Variants in TNS1 observed in about 807,000 individuals in gnomAD.
The protein encoded by TNS1 is tensin 1.
In TNS1, 62 loss-of-function variants were observed where a neutral mutation model predicts 168.6. That is an observed-to-expected ratio of 0.37 (90% CI 0.30 to 0.45). The LOEUF (loss-of-function observed/expected upper bound fraction) is 0.45. Among genes scored for constraint, TNS1 ranks in the 20% least tolerant of loss-of-function variants. TNS1 has a pLI of 1.00. For synonymous variants in TNS1, 934 were observed against 933.2 expected, an observed-to-expected ratio of 1.00 and a Z score of -0.02; for missense variants, 2,240 against 2,339.4, an observed-to-expected ratio of 0.96 and a Z score of 0.88.
At chr2:217,905,263 G>A (rs1953517996) in intron 6 of TNS1, 3 of 327,650 alleles carry the variant, frequency 9.2e-6, no homozygotes, top group South Asian at 4.6e-5. Flanking sequence ...TCCCCAGTAT[G>A]AGTACCCCAC....
In TNS1 at chr2:217,828,269, C is replaced by T. The variant is rs1943898653; in HGVS notation, c.3373+3186G>A. Among the ~76,000 whole-genome samples the T allele has an allele frequency of 2.6e-5, 4 of 152,312 alleles. 1 individual carries two copies. The highest frequency in any genetic ancestry group is 6.8e-3 in the Middle Eastern group (2 of 294). On this transcript the variant is annotated intron_variant, in intron 22 of 32. Coordinates refer to ENST00000682258, the MANE Select transcript of TNS1 (RefSeq NM_001387777.1). ...GCCCCTGAGCAGCCTGATGTTGTTG[C>T]CCAAACCCCAGCTGGTCAGGAGAGG... is the stretch of plus-strand genomic sequence containing the variant.
rs1214492170 is a variant in TNS1, at chr2:218,033,818, A to C, written c.156+2T>G. On this transcript the variant is annotated splice_donor_variant, in intron 1 of 1. Transcript: ENST00000649572. LOFTEE classifies it high-confidence loss of function. This position sits in a 1 kb window ranked among gnomAD's most constrained non-coding sequence, Gnocchi z 4.3. ...TCCCTCACCCATTCCCGCAGCCCCT[A>C]CCTGAAGCGGTAGCTGCCTTCTCTC... Among the ~76,000 whole-genome samples, 1 of 151,906 alleles carries C rather than the reference A, an allele frequency of 6.6e-6. No individual in the cohort carries two copies. The highest frequency in any genetic ancestry group is 1.5e-5 in the Non-Finnish European group (1 of 67,944).
intron 22 of TNS1, among the ~76,000 whole-genome samples, chr2:217,825,258 C>T (rs1943447624): frequency 6.6e-6 from 1 of 152,102 alleles, no homozygotes. Context: ...GAGGGACTGG[C>T]AGGGTATGAG....
Position 217,847,787 on chromosome 2 carries a change from C to T in TNS1, c.2730G>A (p.Glu910=), listed in dbSNP as rs1946864993. The change falls in exon 19 of 33, where the codon GAG becomes GAA. Residue 910 remains glutamate (E), a synonymous_variant. Transcript: ENST00000682258. ...TPEPAPRASL[E]SVPPGRSYSP... is the part of the protein sequence containing the mutation. ...AGTAAGACCTGCCAGGAGGGACAGA[C>T]TCCAGAGAGGCCCGTGGGGCTGGCT... 2 of 1,606,074 alleles carry T rather than the reference C, an allele frequency of 1.2e-6. No individual in the cohort carries two copies. Among genetic ancestry groups the T allele is most frequent in the Middle Eastern group, 1.7e-4 (1 of 6,028 alleles).
chr2:217,821,077 C>T (rs1942774162), intron 23 of TNS1, among the ~76,000 whole-genome samples: 1 of 152,222 alleles, frequency 6.6e-6, no homozygotes, highest in Admixed American at 6.5e-5. Flanking sequence ...CTCAGAAATC[C>T]TCGCTGCATC....
chr2:217,804,751 G>T, intron 32 of TNS1, 148 bp from the exon 33 acceptor site: 1 of 1,020,390 alleles, frequency 9.8e-7, no homozygotes, highest in Non-Finnish European at 1.4e-6. Flanking sequence ...TCAGAGAGGT[G>T]CAGAAGAGAA....
chr2:218,030,118 C>T (rs1344464941), intron 1 of TNS1, among the ~76,000 whole-genome samples: 1 of 152,150 alleles, frequency 6.6e-6, no homozygotes, highest in Non-Finnish European at 1.5e-5. Context: ...TCCCAGGCAC[C>T]TTGCTTTGAC....
At position 217,995,240 on chromosome 2, in the gene TNS1, G is replaced by A. The variant is rs751958825; in HGVS notation, c.34-4184C>T. Among the ~76,000 whole-genome samples, 5 of 152,290 alleles carry A rather than the reference G, an allele frequency of 3.3e-5. No homozygotes were observed. Among genetic ancestry groups the A allele is most frequent in the Admixed American group, 6.5e-5 (1 of 15,310 alleles). ...TTCCGCTGTGAAACAGGGACACTGC[G>A]CTGGTCTTGTTGAAACAGCTGTCCC... is the stretch of plus-strand genomic sequence containing the variant. On this transcript the variant is annotated intron_variant, in intron 1 of 32. Coordinates refer to ENST00000682258, the MANE Select transcript of TNS1 (RefSeq NM_001387777.1). The surrounding 1 kb of genome is among the most constrained non-coding windows in gnomAD (Gnocchi z 4.1).
upstream of TNS1, among the ~76,000 whole-genome samples, chr2:218,007,576 G>GT (rs1365194496): frequency 4.4e-5 from 6 of 135,092 alleles, no homozygotes; most frequent in Non-Finnish European, 9.7e-5. Context: ...TGGGGGGGGG[G>GT]GTTCAGCCAG....
intron 3 of TNS1, among the ~76,000 whole-genome samples, chr2:217,922,561 A>C (rs1005639505): frequency 1.5e-4 from 23 of 152,116 alleles, no homozygotes; most frequent in Admixed American, 1.3e-3. Context: ...CTCTCCATTT[A>C]GAAGCTGGGG....
At chr2:217,946,724 T>TCCCCTACCCCATCATCA (rs1957114327) in intron 3 of TNS1, among the ~76,000 whole-genome samples, 2 of 151,552 alleles carry the variant, frequency 1.3e-5, no homozygotes, top group Admixed American at 1.3e-4. Context: ...ACACTATCCA[T>TCCCCTACCCCATCATCA]CCCCTACCCC....
intron 4 of TNS1, among the ~76,000 whole-genome samples, chr2:217,914,222 T>C (rs1954747430): frequency 6.6e-6 from 1 of 152,182 alleles, no homozygotes; most frequent in Admixed American, 6.5e-5. Flanking sequence ...AGTCAGGCAC[T>C]ATTTCCATAG....
chr2:218,031,604 T>C (rs550830007), intron 1 of TNS1, among the ~76,000 whole-genome samples: 134 of 152,248 alleles, frequency 8.8e-4, no homozygotes, highest in African/African-American at 3.0e-3. Flanking sequence ...AGAGCACCCA[T>C]AGGTTACATC....
intron 1 of TNS1, among the ~76,000 whole-genome samples, chr2:218,023,517 T>C (rs1371511726): frequency 6.6e-6 from 1 of 152,072 alleles, no homozygotes; most frequent in Non-Finnish European, 1.5e-5. Context: ...CCCACCTGTC[T>C]CCTGGCCAAG....
intron 1 of TNS1, among the ~76,000 whole-genome samples, chr2:217,998,534 T>A (rs1438524721): frequency 6.6e-6 from 1 of 152,174 alleles, no homozygotes; most frequent in Non-Finnish European, 1.5e-5. Context: ...TGGGCCTTGC[T>A]CTGTCGCCTG....
At chr2:217,985,387 C>T (rs536379092) in intron 2 of TNS1, 29 of 152,080 alleles carry the variant, frequency 1.9e-4, no homozygotes, top group African/African-American at 7.0e-4. Flanking sequence ...GGAGGTACTG[C>T]TGTTTGTCCC....
intron 18 of TNS1, among the ~76,000 whole-genome samples, chr2:217,851,489 G>A (rs1232637187): frequency 6.6e-6 from 1 of 151,208 alleles, no homozygotes. Flanking sequence ...GGGACTGGAT[G>A]CCCTCCTCAT....
At chr2:217,878,484 G>A (rs6743204) in intron 18 of TNS1, among the ~76,000 whole-genome samples, 4,409 of 152,182 alleles carry the variant, frequency 0.029, 231 homozygotes, top group African/African-American at 0.1. Flanking sequence ...TTCCCCATTT[G>A]GACATAATAA....
At chr2:217,959,690 T>C (rs1394569113) in intron 3 of TNS1, among the ~76,000 whole-genome samples, 2 of 152,190 alleles carry the variant, frequency 1.3e-5, no homozygotes, top group African/African-American at 4.8e-5. Flanking sequence ...ATTATTATTA[T>C]GGACTATCCC....
Sources: allele counts gnomAD v4.1 joint callset (sites outside exome capture counted in the v4.1 genomes callset), GRCh38; gene constraint gnomAD v4.1.1; non-coding constraint Gnocchi (gnomAD v3.1); transcripts MANE v1.5; gene names NCBI Gene and HGNC (gene_info 2026-07-23, HGNC 2026-07-21).